CCDC77: variants seen among roughly 807,000 people sequenced by gnomAD.
CCDC77 encodes coiled-coil domain containing 77, also known as coiled-coil domain-containing protein 77.
CCDC77 carries 56 observed loss-of-function variants against 66.8 expected under a neutral mutation model. The observed-to-expected ratio is 0.84, with a 90% CI of 0.68 to 1.05. CCDC77 has a LOEUF of 1.05. Among genes scored for constraint, CCDC77 ranks in the 50% least tolerant of loss-of-function variants. The pLI is 0.00. For synonymous variants in CCDC77, 196 were observed against 195.2 expected (o/e 1.00, Z -0.03); for missense variants, 570 against 576.8 (o/e 0.99, Z 0.12).
intron 1 of CCDC77, among the ~76,000 whole-genome samples, chr12:396,376 A>C (rs1944828601): frequency 6.6e-6 from 1 of 152,248 alleles, no homozygotes; most frequent in Non-Finnish European, 1.5e-5. Flanking sequence ...TGCGGGACAG[A>C]GCAAGACTCC....
In CCDC77 at chr12:442,162, T is replaced by C; in HGVS notation, c.*242T>C. On this transcript the variant is annotated 3_prime_UTR_variant, in exon 13 of 13. Transcript: ENST00000239830. Reference sequence around the variant, plus strand: ...GAGTAGGGGCCTGGTCCTGAATGACTTGGAGGCTTTCATTATTTATCCTGT... The same window carrying C: ...GAGTAGGGGCCTGGTCCTGAATGACCTGGAGGCTTTCATTATTTATCCTGT... 1 of 444,200 alleles carries C rather than the reference T, an allele frequency of 2.3e-6. No individual in the cohort carries two copies. Among genetic ancestry groups the C allele is most frequent in the Non-Finnish European group, 4.0e-6 (1 of 248,170 alleles). The allele number at this position is 444,200 out of a possible 1,614,324, so 27.5% of individuals were successfully genotyped here. A position where few individuals can be genotyped will look rare whatever the true frequency, so the allele number is the denominator to read the frequency against.
intron 4 of CCDC77, among the ~76,000 whole-genome samples, chr12:412,194 T>A (rs867130406): frequency 6.6e-6 from 1 of 152,208 alleles, no homozygotes; most frequent in South Asian, 2.1e-4. Flanking sequence ...TCCATATCTC[T>A]TATACCTAGT....
upstream of CCDC77, among the ~76,000 whole-genome samples, chr12:398,822 C>T (rs1015092590): frequency 4.0e-5 from 6 of 151,724 alleles, no homozygotes; most frequent in East Asian, 1.2e-3. Flanking sequence ...TGCAGTGGCA[C>T]AATCTCGGCT....
chr12:397,090 T>G (rs941477427), upstream of CCDC77, among the ~76,000 whole-genome samples: 1 of 152,104 alleles, frequency 6.6e-6, no homozygotes, highest in African/African-American at 2.4e-5. Flanking sequence ...ATTTTTGTAT[T>G]TTTACTAGAG....
chr12:411,575 C>A (rs1945111825), intron 3 of CCDC77, among the ~76,000 whole-genome samples, 172 bp from the exon 4 acceptor site: 1 of 151,982 alleles, frequency 6.6e-6, no homozygotes, highest in African/African-American at 2.4e-5. Flanking sequence ...ACCTTGGCCT[C>A]CAAAAGTGCT....
At position 431,951 on chromosome 12, in the gene CCDC77, A is replaced by G. The variant is rs771668158; in HGVS notation, c.669A>G (p.Leu223=). 3.7e-6 allele frequency: 6 copies of G among 1,604,000 alleles called. No individual in the cohort carries two copies. The South Asian group carries it at 5.5e-5, about 15-fold the overall frequency. ...HYQRDIQTLI[L]QVEALQAQLG... ...AAAGAGACATACAGACACTCATCCT[A>G]CAGGTAAAGAATGTATTTTGGCAGA... Residue 223 remains leucine, a synonymous_variant, in exon 8 of 13, where the codon CTA becomes CTG. Coordinates refer to ENST00000239830, the MANE Select transcript of CCDC77 (RefSeq NM_032358.4).
chr12:402,576 G>A (rs1278835414), intron 1 of CCDC77, among the ~76,000 whole-genome samples: 1 of 152,202 alleles, frequency 6.6e-6, no homozygotes, highest in Non-Finnish European at 1.5e-5. Flanking sequence ...GGAGAGTAGA[G>A]AGAAATAAGG....
Position 416,379 on chromosome 12 carries a change from A to ATATG in CCDC77, c.271-2112_271-2111insGTAT, listed in dbSNP as rs1565569197. Reference sequence around the variant, plus strand: ...TGTGTGTGTGTGTGTGTGTGTGTGTATATATATATATATATATATATATAT... The same window carrying ATATG: ...TGTGTGTGTGTGTGTGTGTGTGTGTATATGTATATATATATATATATATATATAT... On this transcript the variant is annotated intron_variant, in intron 4 of 12. Coordinates refer to ENST00000239830, the MANE Select transcript of CCDC77 (RefSeq NM_032358.4). Among the ~76,000 whole-genome samples the ATATG allele has an allele frequency of 1.0e-3, 18 of 17,988 alleles. 1 individual carries two copies. The highest frequency in any genetic ancestry group is 2.8e-3 in the Admixed American group (4 of 1,442). The allele number at this position is 17,988 out of a possible 152,430, so 11.8% of individuals were successfully genotyped here. A position where few individuals can be genotyped will look rare whatever the true frequency, so the allele number is the denominator to read the frequency against.
At chr12:390,524 G>A (rs1944736180) in intron 1 of CCDC77, among the ~76,000 whole-genome samples, 2 of 152,128 alleles carry the variant, frequency 1.3e-5, no homozygotes, top group Admixed American at 1.3e-4. Flanking sequence ...TCCATAATGT[G>A]AGTAGGCCTT....
intron 9 of CCDC77, among the ~76,000 whole-genome samples, chr12:436,327 C>T (rs1351171712): frequency 6.6e-6 from 1 of 151,632 alleles, no homozygotes; most frequent in African/African-American, 2.4e-5. Flanking sequence ...CAAGGTTTCA[C>T]CGTGTTAGCC....
Position 416,391 on chromosome 12 carries a change from A to G in CCDC77, c.271-2103A>G, listed in dbSNP as rs1327634579. Among the ~76,000 whole-genome samples, 72 of 47,162 alleles carry G rather than the reference A, an allele frequency of 1.5e-3. 2 individuals carry two copies. The highest frequency in any genetic ancestry group is 2.2e-3 in the Non-Finnish European group (57 of 25,882). The allele number at this position is 47,162 out of a possible 152,430, so 30.9% of individuals were successfully genotyped here. A position where few individuals can be genotyped will look rare whatever the true frequency, so the allele number is the denominator to read the frequency against. On this transcript the variant is annotated intron_variant, in intron 4 of 12. Transcript: ENST00000239830. Reference sequence around the variant, plus strand: ...TGTGTGTGTGTGTATATATATATATATATATATATATATATATATATATAT... The same window carrying G: ...TGTGTGTGTGTGTATATATATATATGTATATATATATATATATATATATAT...
At chr12:423,489 G>GTTTTGT (rs1945467681) in intron 5 of CCDC77, among the ~76,000 whole-genome samples, 2 of 32,692 alleles carry the variant, frequency 6.1e-5, no homozygotes, top group African/African-American at 2.5e-4. Context: ...GTTTTTTTTT[G>GTTTTGT]TTTTGTTTTT....
At chr12:429,020 C>T (rs1049799379) in intron 6 of CCDC77, among the ~76,000 whole-genome samples, 155 bp downstream of exon 6, 2 of 152,120 alleles carry the variant, frequency 1.3e-5, no homozygotes, top group African/African-American at 2.4e-5. Context: ...CATTTTTCTT[C>T]GAAAACCTTG....
At chr12:409,523 GT>G (rs1215635356) in intron 3 of CCDC77, 102 bp downstream of exon 3, 13 of 1,158,582 alleles carry the variant, frequency 1.1e-5, no homozygotes, top group South Asian at 9.0e-5. Flanking sequence ...ATTTCCTAAA[GT>G]TTTTTTTCTT....
intron 4 of CCDC77, among the ~76,000 whole-genome samples, chr12:416,671 G>A (rs1945291053): frequency 6.6e-6 from 1 of 151,398 alleles, no homozygotes; most frequent in Admixed American, 6.6e-5. Context: ...CGCCTGGCGT[G>A]TTAAGTATAT....
At chr12:425,972 C>G (rs1343255443) in intron 5 of CCDC77, among the ~76,000 whole-genome samples, 2 of 152,188 alleles carry the variant, frequency 1.3e-5, no homozygotes, top group African/African-American at 4.8e-5. Flanking sequence ...TGAAGTGATT[C>G]TCCTGCCTCA....
At chr12:411,180 G>GTT in intron 3 of CCDC77, among the ~76,000 whole-genome samples, 1 of 145,810 alleles carries the variant, frequency 6.9e-6, no homozygotes, top group African/African-American at 2.5e-5. Flanking sequence ...CTTTCAATTT[G>GTT]TTTTTTTTTT....
chr12:423,270 T>C (rs1945446317), intron 5 of CCDC77, among the ~76,000 whole-genome samples: 1 of 146,622 alleles, frequency 6.8e-6, no homozygotes, highest in Admixed American at 7.0e-5. Flanking sequence ...ACTACATGCA[T>C]GTGCTGCCAT....
rs1364572907 is a variant in CCDC77 at position 389,573 on chromosome 12, A to AGGCGGGG, written c.-113+87_-113+88insGGCGGGG. 3.4e-3 allele frequency: 145 copies of AGGCGGGG among 42,756 alleles called. 4 individuals carry two copies. Among genetic ancestry groups the AGGCGGGG allele is most frequent in the African/African-American group, 0.011 (84 of 7,836 alleles). 2.6% of individuals were successfully genotyped at this position (42,756 alleles called of 1,614,324 possible). On this transcript the variant is annotated intron_variant, in intron 1 of 11. Transcript: ENST00000422000. ...ACGGGGCGAGGCGGGGCGAGGCGCA[A>AGGCGGGG]CGAGGCGGGGCGAGGCGCGACGCGA...
Sources: gnomAD v4.1 joint callset for allele counts (sites outside exome capture counted in the v4.1 genomes callset) on GRCh38, gnomAD v4.1.1 for gene constraint, MANE v1.5 for transcripts, NCBI Gene and HGNC (gene_info 2026-07-23, HGNC 2026-07-21) for gene names.